The following LHFPL2 variants were observed in gnomAD, a reference collection of about 807,000 sequenced individuals.
LHFPL2 encodes the protein LHFPL tetraspan subfamily member 2 protein.
A neutral mutation model predicts 17.5 loss-of-function variants in LHFPL2; 7 were observed. The ratio of observed to expected loss-of-function variants is 0.40; its 90% CI spans 0.23 to 0.75. LHFPL2 has a LOEUF of 0.75. Among genes scored for constraint, LHFPL2 ranks in the 30% least tolerant of loss-of-function variants. The pLI is 0.37. For synonymous variants in LHFPL2, 134 were observed against 116.2 expected, an observed-to-expected ratio of 1.15 and a Z score of -0.99; for missense variants, 241 against 294.8, an observed-to-expected ratio of 0.82 and a Z score of 1.34.
chr5:78,573,021 C>T (rs898832804), intron 2 of LHFPL2, among the ~76,000 whole-genome samples: 3 of 152,156 alleles, frequency 2.0e-5, no homozygotes, highest in Non-Finnish European at 2.9e-5. Context: ...AATGCTCGCT[C>T]GCCTGGTCCT....
At chr5:78,639,332 A>AAAAC (rs751237454) in intron 1 of LHFPL2, among the ~76,000 whole-genome samples, 49 of 152,300 alleles carry the variant, frequency 3.2e-4, no homozygotes, top group Admixed American at 7.8e-4. Flanking sequence ...CAAGCTGGGA[A>AAAAC]AAACAAACAA....
At chr5:78,536,488 C>T (rs1226121982) in intron 3 of LHFPL2, among the ~76,000 whole-genome samples, 3 of 152,242 alleles carry the variant, frequency 2.0e-5, no homozygotes, top group African/African-American at 4.8e-5. Flanking sequence ...ACTCTGGCCT[C>T]TCAGGGAATG....
At chr5:78,577,427 A>G (rs904697459) in intron 2 of LHFPL2, among the ~76,000 whole-genome samples, 1 of 152,326 alleles carries the variant, frequency 6.6e-6, no homozygotes, top group Admixed American at 6.5e-5. Flanking sequence ...TATTTCCTTC[A>G]GAGTCAAAGG....
At chr5:78,520,829 G>GC (rs138936036) in intron 3 of LHFPL2, among the ~76,000 whole-genome samples, 8,372 of 152,136 alleles carry the variant, frequency 0.055, 768 homozygotes, top group African/African-American at 0.19. Flanking sequence ...TACAAATGAG[G>GC]CCCCCCTGCC....
intron 3 of LHFPL2, among the ~76,000 whole-genome samples, chr5:78,543,736 C>A (rs1316805282): frequency 6.6e-6 from 1 of 152,220 alleles, no homozygotes; most frequent in Non-Finnish European, 1.5e-5. Flanking sequence ...CAAGTCAAGT[C>A]ACCTTCAGGA....
Position 78,489,141 on chromosome 5 carries a change from A to G in LHFPL2, c.443T>C (p.Ile148Thr). 1 of 1,614,214 alleles carries G rather than the reference A, an allele frequency of 6.2e-7. No homozygotes were observed. The highest frequency in any genetic ancestry group is 8.5e-7 in the Non-Finnish European group (1 of 1,180,028). Residue 148 changes from isoleucine to threonine, a missense_variant, in exon 5 of 5, where the codon ATC becomes ACC. By Grantham distance (89) the Ile-to-Thr change is moderately conservative (BLOSUM62 -1). Transcript: ENST00000380345. ...AGCAGGGTAGAGTATCAAACCGAGG[A>G]TAAGGAATAGACCTGCAGAACAAAA... Reference protein sequence around the residue: ...LLQGIAGLFLILGLILYPAGW... With the variant: ...LLQGIAGLFLTLGLILYPAGW...
At chr5:78,509,687 C>T (rs1310905151) in intron 4 of LHFPL2, 97 bp downstream of exon 4, 1 of 1,307,234 alleles carries the variant, frequency 7.6e-7, no homozygotes, top group African/African-American at 1.5e-5. Context: ...TGGTCTTCTC[C>T]AAAACTAGCA....
intron 2 of LHFPL2, among the ~76,000 whole-genome samples, chr5:78,607,518 T>G (rs1028911456): frequency 6.6e-6 from 1 of 152,236 alleles, no homozygotes; most frequent in South Asian, 2.1e-4. Context: ...TTTGCCATAT[T>G]TCCTCTGAGA....
intron 1 of LHFPL2, chr5:78,644,276 A>T: frequency 1.2e-6 from 1 of 836,020 alleles, no homozygotes. Context: ...CTTATTCATC[A>T]TCATCTTCAT....
At chr5:78,623,067 T>C (rs1420111264) in intron 2 of LHFPL2, among the ~76,000 whole-genome samples, 1 of 152,216 alleles carries the variant, frequency 6.6e-6, no homozygotes, top group Non-Finnish European at 1.5e-5. Context: ...TCAAGATTTC[T>C]CTGACTTGCA....
intron 2 of LHFPL2, among the ~76,000 whole-genome samples, chr5:78,577,103 C>T (rs1321607350): frequency 6.6e-6 from 1 of 152,234 alleles, no homozygotes; most frequent in Non-Finnish European, 1.5e-5. Context: ...CTTCCTCCCT[C>T]CCACTCATTC....
rs920126385 is a variant in LHFPL2, at chr5:78,648,415, T to G, written c.-350+84A>C. The G allele has an allele frequency of 6.6e-6, 1 of 151,538 alleles. No individual in the cohort carries two copies. The highest frequency in any genetic ancestry group is 2.4e-5 in the African/African-American group (1 of 41,310). The allele number at this position is 151,538 out of a possible 1,614,324, so 9.4% of individuals were successfully genotyped here. On this transcript the variant is annotated intron_variant, in intron 1 of 4. Transcript: ENST00000380345. The surrounding 1 kb of genome is among the most constrained non-coding windows in gnomAD (Gnocchi z 5.4). ...CTCGGCCGGCCGCAACGGCTCCCCA[T>G]GCGCCCGCGCGGGGCGCCCACCTGG...
At chr5:78,492,219 T>G (rs918896887) in intron 4 of LHFPL2, among the ~76,000 whole-genome samples, 1 of 152,198 alleles carries the variant, frequency 6.6e-6, no homozygotes, top group African/African-American at 2.4e-5. Context: ...GCTCTGAGTG[T>G]AGGCCTGAGG....
intron 1 of LHFPL2, chr5:78,644,833 C>A (rs992175501): frequency 1.5e-5 from 3 of 204,750 alleles, no homozygotes; most frequent in Non-Finnish European, 3.1e-5. Context: ...TTCCTTGGAT[C>A]TCCTTTGCCC....
At chr5:78,589,796 G>GCCTC (rs973363542) in intron 2 of LHFPL2, among the ~76,000 whole-genome samples, 17 of 152,300 alleles carry the variant, frequency 1.1e-4, no homozygotes, top group African/African-American at 3.6e-4. Flanking sequence ...TATGCTCAAG[G>GCCTC]CCTCGCCTGA....
intron 3 of LHFPL2, among the ~76,000 whole-genome samples, chr5:78,543,622 C>G (rs1431875219): frequency 2.0e-5 from 3 of 152,148 alleles, no homozygotes; most frequent in Non-Finnish European, 4.4e-5. Context: ...GGGATGAGGT[C>G]AGGAGCCAGC....
chr5:78,642,819 T>C (rs1029046353), intron 1 of LHFPL2, among the ~76,000 whole-genome samples: 1 of 152,120 alleles, frequency 6.6e-6, no homozygotes, highest in East Asian at 1.9e-4. Flanking sequence ...CTTACCTCAA[T>C]GAAAGGTGCC....
At position 78,539,566 on chromosome 5, in the gene LHFPL2, T is replaced by C. The variant is rs544540883; in HGVS notation, c.-186+25247A>G. 2.0e-5 allele frequency among the ~76,000 whole-genome samples: 3 copies of C among 152,246 alleles called. No individual in the cohort carries two copies. The East Asian group carries it at 5.8e-4, about 29-fold the overall frequency. ...TATTACACATGGTGCTCAACAGGTG[T>C]TTGTTAACTGACTTTTCCATCATCT... On this transcript the variant is annotated intron_variant, in intron 3 of 4. Transcript: ENST00000380345.
chr5:78,507,884 C>T (rs1754978947), intron 4 of LHFPL2, among the ~76,000 whole-genome samples: 1 of 152,024 alleles, frequency 6.6e-6, no homozygotes, highest in South Asian at 2.1e-4. Context: ...ACATGTTTGA[C>T]TCTTCAAAAG....
Sources: gnomAD v4.1 joint callset for allele counts (sites outside exome capture counted in the v4.1 genomes callset) on GRCh38, gnomAD v4.1.1 for gene constraint, Gnocchi (gnomAD v3.1) non-coding constraint, MANE v1.5 for transcripts, NCBI Gene and HGNC (gene_info 2026-07-23, HGNC 2026-07-21) for gene names.